LRP5: variants seen among roughly 807,000 people sequenced by gnomAD.
LRP5 encodes the protein LDL receptor related protein 5, also known as low-density lipoprotein receptor-related protein 5.
Under a neutral mutation model 154.1 loss-of-function variants are expected in LRP5, and 62 were observed. The ratio of observed to expected loss-of-function variants is 0.40; its 90% CI spans 0.33 to 0.50. LRP5 has a LOEUF of 0.50. LRP5 is among the 20% of genes least tolerant of loss of function. The pLI, the probability that LRP5 is intolerant of heterozygous loss-of-function variation, is 0.55. For missense variants in LRP5, 1,915 were observed against 2,336.7 expected, an observed-to-expected ratio of 0.82 and a Z score of 3.72; for synonymous variants, 966 against 1,011.5, an observed-to-expected ratio of 0.96 and a Z score of 0.85.
At position 68,423,394 on chromosome 11, in the gene LRP5, C is replaced by G; in HGVS notation, c.3028-95C>G. On this transcript the variant is annotated intron_variant, in intron 13 of 22. Coordinates refer to ENST00000294304, the MANE Select transcript of LRP5 (RefSeq NM_002335.4). The surrounding 1 kb of genome is among the most constrained non-coding windows in gnomAD (Gnocchi z 4.7). ...TCCAGCCAGTGCCCGGGGGTCTCCACCAGTGCCCGGGGGTCTCCGCCAGTG... is the reference window on the plus strand; with the variant it reads ...TCCAGCCAGTGCCCGGGGGTCTCCAGCAGTGCCCGGGGGTCTCCGCCAGTG... The G allele has an allele frequency of 8.4e-7, 1 of 1,188,938 alleles. No homozygotes were observed. Among genetic ancestry groups the G allele is most frequent in the Non-Finnish European group, 1.3e-6 (1 of 795,198 alleles). 73.6% of individuals were successfully genotyped at this position (1,188,938 alleles called of 1,614,324 possible).
chr11:68,376,945 G>A (rs2098637685), intron 5 of LRP5, among the ~76,000 whole-genome samples: 1 of 152,252 alleles, frequency 6.6e-6, no homozygotes, highest in Non-Finnish European at 1.5e-5. Flanking sequence ...GTGAGGCTGT[G>A]TTCCCTCACC....
intron 3 of LRP5, among the ~76,000 whole-genome samples, chr11:68,359,557 T>C (rs934841615): frequency 6.6e-6 from 1 of 152,168 alleles, no homozygotes; most frequent in African/African-American, 2.4e-5. Flanking sequence ...AACATGCTAA[T>C]GGTGGTGGCG....
chr11:68,343,259 C>T (rs1373768704), intron 1 of LRP5, among the ~76,000 whole-genome samples: 5 of 152,160 alleles, frequency 3.3e-5, no homozygotes, highest in African/African-American at 9.7e-5. Context: ...TAGAAAGTTC[C>T]GTGTCCAGTC....
At chr11:68,348,717 G>A (rs1254708399) in intron 2 of LRP5, among the ~76,000 whole-genome samples, 2 of 152,364 alleles carry the variant, frequency 1.3e-5, no homozygotes, top group Non-Finnish European at 2.9e-5. Flanking sequence ...GCCAAGGCGG[G>A]CAGATCACCT....
intron 18 of LRP5, among the ~76,000 whole-genome samples, chr11:68,435,025 A>G (rs536724759): frequency 6.6e-6 from 1 of 152,230 alleles, no homozygotes; most frequent in African/African-American, 2.4e-5. Flanking sequence ...CCTGCCACCT[A>G]CTTTTGTAAA....
chr11:68,416,499 TC>T lies in LRP5; in HGVS notation c.3000del (p.Lys1001SerfsTer13), dbSNP rs1327932544. 1 of 1,613,894 alleles carries T rather than the reference TC, an allele frequency of 6.2e-7. No homozygotes were observed. Among genetic ancestry groups the T allele is most frequent in the East Asian group, 2.2e-5 (1 of 44,886 alleles). ...FIYWVDGRQN[I>X]KRAKDDGTQP... is the part of the protein sequence containing the mutation. ...TACTGGGTGGATGGGCGCCAGAACA[TC>T]AAGCGAGCCAAGGACGACGGGACCC... On this transcript the variant is annotated frameshift_variant, in exon 13 of 23. Coordinates refer to ENST00000294304, the MANE Select transcript of LRP5 (RefSeq NM_002335.4). LOFTEE classifies it high-confidence loss of function.
intron 1 of LRP5, among the ~76,000 whole-genome samples, chr11:68,319,116 G>C (rs747128302): frequency 1.1e-4 from 13 of 122,480 alleles, no homozygotes; most frequent in Non-Finnish European, 1.9e-4. Flanking sequence ...TCTCACTCAC[G>C]CCCAGGATGG....
At chr11:68,326,028 A>G (rs1300046892) in intron 1 of LRP5, among the ~76,000 whole-genome samples, 1 of 152,222 alleles carries the variant, frequency 6.6e-6, no homozygotes, top group Non-Finnish European at 1.5e-5. Flanking sequence ...TCAGCTCTGC[A>G]TAGTGTGGCC....
intron 11 of LRP5, among the ~76,000 whole-genome samples, chr11:68,412,311 C>T (rs1450739925): frequency 1.3e-5 from 2 of 152,116 alleles, no homozygotes; most frequent in Non-Finnish European, 2.9e-5. Flanking sequence ...ACCCCCATCC[C>T]CCCTGCCAAG....
intron 7 of LRP5, among the ~76,000 whole-genome samples, chr11:68,396,408 G>A (rs1270852321): frequency 6.6e-6 from 1 of 151,946 alleles, no homozygotes; most frequent in Admixed American, 6.5e-5. Flanking sequence ...GCTGTGTGGA[G>A]CTGGGCGCTA....
intron 7 of LRP5, among the ~76,000 whole-genome samples, chr11:68,400,064 T>C (rs1157404021): frequency 1.3e-5 from 2 of 151,968 alleles, no homozygotes; most frequent in Non-Finnish European, 2.9e-5. Context: ...GGGGTCTCTG[T>C]GGGAGGCTCT....
chr11:68,313,967 C>T (rs2098590957), intron 1 of LRP5, among the ~76,000 whole-genome samples: 1 of 152,200 alleles, frequency 6.6e-6, no homozygotes, highest in Non-Finnish European at 1.5e-5. Flanking sequence ...GTTTGTTTCA[C>T]GTCCTCCTGC....
chr11:68,399,966 G>A (rs1008531922), intron 7 of LRP5, among the ~76,000 whole-genome samples: 2 of 152,218 alleles, frequency 1.3e-5, no homozygotes, highest in African/African-American at 4.8e-5. Context: ...GATCTGGGTG[G>A]AAAGTAGGGG....
chr11:68,314,030 T>C (rs1262929167), intron 1 of LRP5, among the ~76,000 whole-genome samples: 2 of 152,190 alleles, frequency 1.3e-5, no homozygotes, highest in African/African-American at 4.8e-5. Context: ...AATCTGCCTC[T>C]TTCAGGAGCG....
intron 5 of LRP5, among the ~76,000 whole-genome samples, chr11:68,376,048 G>A (rs2098637138): frequency 6.6e-6 from 1 of 152,222 alleles, no homozygotes; most frequent in Admixed American, 6.5e-5. Flanking sequence ...CTGCCACTGA[G>A]GCGGGGTGGG....
intron 10 of LRP5, among the ~76,000 whole-genome samples, chr11:68,411,033 G>A (rs747299705): frequency 2.6e-5 from 4 of 152,136 alleles, no homozygotes; most frequent in African/African-American, 4.8e-5. Flanking sequence ...GTTTACATCC[G>A]GATCCCGCAA....
In LRP5 at chr11:68,438,655, G is replaced by T; in HGVS notation, c.4321G>T (p.Gly1441Cys). 1 of 1,613,238 alleles carries T rather than the reference G, an allele frequency of 6.2e-7. No homozygotes were observed. The highest frequency in any genetic ancestry group is 8.5e-7 in the Non-Finnish European group (1 of 1,179,996). The part of the protein sequence containing the change: ...PHVPLNFIAP[G>C]GSQHGPFTGI... ...CGTGCCCCTCAATTTCATAGCCCCG[G>T]GCGGTTCCCAGCATGGCCCCTTCAC... The change falls in exon 20 of 23, where the codon GGC becomes TGC. Residue 1441 changes from glycine (G) to cysteine (C), a missense_variant. Physicochemically the swap from Gly to Cys is radical, Grantham distance 159. Around this residue, in one of 3 missense-constraint regions of LRP5, gnomAD observed 1,094 missense variants for 1,210.1 expected, o/e 0.90. Coordinates refer to ENST00000294304, the MANE Select transcript of LRP5 (RefSeq NM_002335.4).
intron 1 of LRP5, among the ~76,000 whole-genome samples, chr11:68,316,279 A>AT (rs979851740): frequency 7.4e-5 from 11 of 148,754 alleles, no homozygotes; most frequent in South Asian, 2.1e-4. Context: ...TCAGCCTTTT[A>AT]TTTTTTTTTT....
intron 9 of LRP5, 99 bp from the exon 10 acceptor site, chr11:68,409,815 A>G (rs1452978017): frequency 3.3e-6 from 3 of 918,226 alleles, no homozygotes; most frequent in Non-Finnish European, 5.2e-6. Context: ...GCACCATTGC[A>G]CTCCAGGCTG....
Sources: allele counts gnomAD v4.1 joint callset (sites outside exome capture counted in the v4.1 genomes callset), GRCh38; gene constraint gnomAD v4.1.1; regional missense constraint gnomAD v4.1.1; non-coding constraint Gnocchi (gnomAD v3.1); transcripts MANE v1.5; gene names NCBI Gene and HGNC (gene_info 2026-07-23, HGNC 2026-07-21).